The following ZNF30 variants were observed in gnomAD, a reference collection of about 807,000 sequenced individuals.
The protein encoded by ZNF30 is zinc finger protein 30 (KOX 28).
Under a neutral mutation model 13.2 loss-of-function variants are expected in ZNF30, and 15 were observed. The observed-to-expected ratio is 1.13, with a 90% CI of 0.76 to 1.75. ZNF30 has a LOEUF of 1.75. Among genes scored for constraint, ZNF30 ranks in the 40% most tolerant of loss-of-function variants. ZNF30 has a pLI of 0.00. For synonymous variants in ZNF30, 223 were observed against 256.6 expected (o/e 0.87, Z 1.25); for missense variants, 726 against 757.0 (o/e 0.96, Z 0.48).
chr19:34,932,563 T>C (rs1055636211), intron 3 of ZNF30, among the ~76,000 whole-genome samples: 8 of 152,160 alleles, frequency 5.3e-5, no homozygotes, highest in Admixed American at 5.2e-4. Context: ...GTTTCACTGT[T>C]CTCTGCTCTT....
Position 34,944,445 on chromosome 19 carries a change from T to C in ZNF30, c.1479T>C (p.Phe493=). 1.2e-6 allele frequency: 2 copies of C among 1,613,530 alleles called. No homozygotes were observed. The highest frequency in any genetic ancestry group is 1.7e-6 in the Non-Finnish European group (2 of 1,179,880). ...PYECKECGKT[F]SRASYLVQHS... ...AATGTAAGGAATGTGGAAAGACTTT[T>C]AGTCGAGCCTCGTACCTTGTACAAC... is the stretch of plus-strand genomic sequence containing the variant. Residue 493 remains phenylalanine (F), a synonymous_variant, in exon 5 of 5, where the codon TTT becomes TTC. Transcript: ENST00000601142.
At chr19:34,940,930 A>T (rs1287593233) in intron 4 of ZNF30, among the ~76,000 whole-genome samples, 1 of 152,168 alleles carries the variant, frequency 6.6e-6, no homozygotes, top group Non-Finnish European at 1.5e-5. Context: ...CAATTATCTA[A>T]TTTCCTGATT....
chr19:34,926,670 T>A (rs2012085030), upstream of ZNF30: 2 of 313,960 alleles, frequency 6.4e-6, no homozygotes, highest in Non-Finnish European at 1.2e-5. Context: ...GTTAAAGTAA[T>A]AACATATTTT....
chr19:34,929,753 A>C, intron 1 of ZNF30, 131 bp from the exon 2 acceptor site: 1 of 533,830 alleles, frequency 1.9e-6, no homozygotes. Context: ...CTTGAATTCC[A>C]CTGTTCTCCA....
At chr19:34,928,559 G>A (rs1343015322) in intron 1 of ZNF30, among the ~76,000 whole-genome samples, 3 of 152,144 alleles carry the variant, frequency 2.0e-5, no homozygotes, top group Non-Finnish European at 4.4e-5. Flanking sequence ...GTGGCCGGGT[G>A]CGGTGGCTCA....
At chr19:34,928,208 T>TAAAAAAA (rs386388919) in intron 1 of ZNF30, among the ~76,000 whole-genome samples, 1 of 70,634 alleles carries the variant, frequency 1.4e-5, no homozygotes. Context: ...ATCCCTTCTC[T>TAAAAAAA]AAAAAAAAAA....
Position 34,943,897 on chromosome 19 carries a change from A to G in ZNF30, c.931A>G (p.Thr311Ala). Residue 311 changes from threonine (T) to alanine (A), a missense_variant, in exon 5 of 5, where the codon ACT becomes GCT. Coordinates refer to ENST00000601142, the MANE Select transcript of ZNF30 (RefSeq NM_194325.3). ...SPLAKHQRIH[T>A]GEKPYECKEC... is the part of the protein sequence containing the mutation. ...CCTTGCTAAGCATCAGAGAATTCAT[A>G]CTGGCGAGAAACCCTATGAATGTAA... 1 of 1,614,176 alleles carries G rather than the reference A, an allele frequency of 6.2e-7. No homozygotes were observed. Among genetic ancestry groups the G allele is most frequent in the Non-Finnish European group, 8.5e-7 (1 of 1,180,010 alleles).
intron 4 of ZNF30, among the ~76,000 whole-genome samples, chr19:34,941,557 A>G (rs2013051723): frequency 6.6e-6 from 1 of 152,208 alleles, no homozygotes. Flanking sequence ...CACTGCACCC[A>G]GCCTGACTGA....
chr19:34,936,398 A>G (rs1439501316), intron 4 of ZNF30, among the ~76,000 whole-genome samples: 2 of 152,200 alleles, frequency 1.3e-5, no homozygotes, highest in Admixed American at 6.5e-5. Context: ...AGAAGGATCA[A>G]CAGGTTTGGA....
chr19:34,930,048 C>T, intron 2 of ZNF30, 92 bp downstream of exon 2: 3 of 1,271,626 alleles, frequency 2.4e-6, no homozygotes, highest in Non-Finnish European at 3.3e-6. Context: ...TCAGAATGTA[C>T]CATCTAATTG....
Position 34,944,877 on chromosome 19 carries a change from A to G in ZNF30, c.*39A>G, listed in dbSNP as rs987453710. The G allele has an allele frequency of 2.7e-6, 4 of 1,508,000 alleles. No individual in the cohort carries two copies. In the Admixed American group the frequency reaches 8.7e-5, roughly 33 times the overall value. 93.4% of individuals were successfully genotyped at this position (1,508,000 alleles called of 1,614,324 possible). ...GTGGGAAGTGCTTCGTGTGTGGCTCAAACATTGTTGAACATCGGGGAATTT... is the reference window on the plus strand; with the variant it reads ...GTGGGAAGTGCTTCGTGTGTGGCTCGAACATTGTTGAACATCGGGGAATTT... On this transcript the variant is annotated 3_prime_UTR_variant, in exon 5 of 5. Transcript: ENST00000601142.
chr19:34,943,161 T>C, intron 4 of ZNF30, 62 bp from the exon 5 acceptor site: 1 of 1,316,644 alleles, frequency 7.6e-7, no homozygotes, highest in Non-Finnish European at 1.0e-6. Flanking sequence ...AGTTTTTCTC[T>C]TTTCTTCCCT....
intron 4 of ZNF30, among the ~76,000 whole-genome samples, chr19:34,942,123 T>C (rs569863818): frequency 1.3e-5 from 2 of 152,304 alleles, no homozygotes; most frequent in African/African-American, 4.8e-5. Flanking sequence ...ATTCTTTGTA[T>C]GGAGATATTT....
intron 2 of ZNF30, among the ~76,000 whole-genome samples, chr19:34,931,039 C>CTTTTTTTTTTTTTTTTT (rs56153327): frequency 8.2e-6 from 1 of 122,526 alleles, no homozygotes; most frequent in Admixed American, 8.5e-5. Context: ...TTCTTTTTTT[C>CTTTTTTTTTTTTTTTTT]TTTTTTTTTT....
At chr19:34,926,418 A>G (rs1409107781), upstream of ZNF30, among the ~76,000 whole-genome samples, 1 of 152,204 alleles carries the variant, frequency 6.6e-6, no homozygotes, top group African/African-American at 2.4e-5. Context: ...GATTAGCCTT[A>G]TTTACATTCT....
chr19:34,931,940 G>C lies in ZNF30; in HGVS notation c.107G>C (p.Arg36Thr). Residue 36 changes from arginine to threonine, a missense_variant, in exon 3 of 5, where the codon AGG (arginine) becomes ACG (threonine). Coordinates refer to ENST00000601142, the MANE Select transcript of ZNF30 (RefSeq NM_194325.3). ...QEWESLDSSQ[R>T]GLYRDVMLEN... ...TGGGAGAGTCTGGACTCTTCCCAGA[G>C]GGGCTTGTACAGAGATGTGATGTTG... The C allele has an allele frequency of 1.2e-6, 2 of 1,613,294 alleles. No individual in the cohort carries two copies. The highest frequency in any genetic ancestry group is 1.7e-6 in the Non-Finnish European group (2 of 1,179,718).
chr19:34,928,220 A>AAATAT (rs1555778254), intron 1 of ZNF30, among the ~76,000 whole-genome samples: 129 of 73,268 alleles, frequency 1.8e-3, no homozygotes, highest in Middle Eastern at 9.4e-3. Flanking sequence ...AAAAAAAAAA[A>AAATAT]ATATATATAT....
chr19:34,925,196 T>TCTTTCA (rs3072404), upstream of ZNF30, among the ~76,000 whole-genome samples: 2 of 151,510 alleles, frequency 1.3e-5, no homozygotes, highest in African/African-American at 4.9e-5. Context: ...TACAGGATGC[T>TCTTTCA]CTTTAGCTGT....
intron 4 of ZNF30, among the ~76,000 whole-genome samples, chr19:34,942,389 T>C (rs775746783): frequency 2.0e-5 from 3 of 151,712 alleles, no homozygotes; most frequent in Admixed American, 6.6e-5. Context: ...TGAGGCTGCA[T>C]TGAGCTGTGG....
Sources: gnomAD v4.1 joint callset for allele counts (sites outside exome capture counted in the v4.1 genomes callset) on GRCh38, gnomAD v4.1.1 for gene constraint, MANE v1.5 for transcripts, NCBI Gene and HGNC (gene_info 2026-07-23, HGNC 2026-07-21) for gene names.